NEBL: variants seen among roughly 807,000 people sequenced by gnomAD.
NEBL encodes the protein LIM and SH3 protein 2.
NEBL carries 122 observed loss-of-function variants against 140.2 expected under a neutral mutation model. The ratio of observed to expected loss-of-function variants is 0.87; its 90% CI spans 0.75 to 1.01. The LOEUF is 1.01. NEBL is among the 50% of genes least tolerant of loss of function. The probability of loss-of-function intolerance (pLI) is 0.00; values close to 1 mark genes in which losing one functional copy is unlikely to be tolerated. For synonymous variants in NEBL, 436 were observed against 398.9 expected (o/e 1.09, Z -1.11); for missense variants, 1,365 against 1,231.3 (o/e 1.11, Z -1.62).
intron 14 of NEBL, among the ~76,000 whole-genome samples, chr10:20,834,236 G>A (rs1329307828): frequency 6.6e-6 from 1 of 151,912 alleles, no homozygotes. Context: ...TTTTTAAGTC[G>A]CTGTGTGTAC....
intron 14 of NEBL, among the ~76,000 whole-genome samples, chr10:20,835,104 T>G (rs1840745921): frequency 6.6e-6 from 1 of 152,200 alleles, no homozygotes; most frequent in African/African-American, 2.4e-5. Context: ...TGACTATTGT[T>G]CTCATGTAAA....
chr10:21,277,202 TTC>T (rs921614563), intron 1 of NEBL, among the ~76,000 whole-genome samples: 1 of 146,310 alleles, frequency 6.8e-6, no homozygotes, highest in Non-Finnish European at 1.5e-5. Flanking sequence ...CACCAAATAT[TTC>T]TTTCTTTTTT....
chr10:20,815,620 C>G lies in NEBL; in HGVS notation c.2241+5G>C. 1 of 1,594,540 alleles carries G rather than the reference C, an allele frequency of 6.3e-7. No individual in the cohort carries two copies. Among genetic ancestry groups the G allele is most frequent in the Non-Finnish European group, 8.6e-7 (1 of 1,162,406 alleles). On this transcript the variant is annotated splice_donor_5th_base_variant and intron_variant, in intron 22 of 27. Transcript: ENST00000377122. ...TGATAGTCTAAAATGAAGAAAACCA[C>G]TTGCCGAGCTAATATTTTCTTGATT...
intron 4 of NEBL, among the ~76,000 whole-genome samples, chr10:20,883,520 T>A (rs1846208093): frequency 6.6e-6 from 1 of 152,220 alleles, no homozygotes; most frequent in Non-Finnish European, 1.5e-5. Flanking sequence ...CATTCCGTGT[T>A]TTAACTCAGA....
chr10:21,260,106 A>T (rs1338163709), intron 1 of NEBL, among the ~76,000 whole-genome samples: 1 of 152,216 alleles, frequency 6.6e-6, no homozygotes, highest in Non-Finnish European at 1.5e-5. Flanking sequence ...ACGTTTCCAG[A>T]TTGCTTGAAA....
chr10:21,286,856 A>T (rs1217369610), intron 1 of NEBL, among the ~76,000 whole-genome samples: 2 of 151,992 alleles, frequency 1.3e-5, no homozygotes, highest in Non-Finnish European at 2.9e-5. Flanking sequence ...AAAAAAAAGC[A>T]GACTACAGCT....
Position 21,280,444 on chromosome 10 carries a change from A to G in NEBL, n.182+12386T>C, listed in dbSNP as rs377521280. On this transcript the variant is annotated intron_variant and non_coding_transcript_variant, in intron 1 of 8. Coordinates refer to the NEBL transcript ENST00000675702. ...ATGAATGGGGAGAAAGATTCTAGGC[A>G]TGCCAGCCCAGAGAGATACAAAAGG... is the stretch of plus-strand genomic sequence containing the variant. 2.6e-5 allele frequency among the ~76,000 whole-genome samples: 4 copies of G among 152,138 alleles called. No individual in the cohort carries two copies. In the East Asian group the frequency reaches 5.8e-4, roughly 22 times the overall value.
At chr10:21,023,510 A>G (rs1838884336) in intron 2 of NEBL, among the ~76,000 whole-genome samples, 1 of 152,128 alleles carries the variant, frequency 6.6e-6, no homozygotes, top group South Asian at 2.1e-4. Context: ...CCTGGCCAAC[A>G]TGGTGAAACC....
intron 1 of NEBL, among the ~76,000 whole-genome samples, chr10:21,276,877 G>A (rs1357758895): frequency 6.6e-6 from 1 of 152,136 alleles, no homozygotes; most frequent in African/African-American, 2.4e-5. Context: ...GCTGAGGCAT[G>A]AGAATCACGT....
chr10:21,221,639 G>A (rs1026769435), intron 3 of NEBL, among the ~76,000 whole-genome samples: 1 of 151,924 alleles, frequency 6.6e-6, no homozygotes, highest in Non-Finnish European at 1.5e-5. Flanking sequence ...TGAGTAGCTG[G>A]GACTACAAGC....
chr10:21,030,584 G>C (rs1050492859), intron 2 of NEBL: 1 of 650,220 alleles, frequency 1.5e-6, no homozygotes, highest in Non-Finnish European at 2.8e-6. Context: ...TACCCTACAA[G>C]TGGTGGGGGA....
intron 2 of NEBL, among the ~76,000 whole-genome samples, chr10:21,108,836 T>C (rs1236557352): frequency 2.0e-5 from 3 of 152,166 alleles, no homozygotes; most frequent in African/African-American, 4.8e-5. Context: ...CGAATCTGGG[T>C]GCTCCTGTAT....
intron 1 of NEBL, among the ~76,000 whole-genome samples, chr10:21,255,677 A>C (rs1203742219): frequency 6.6e-6 from 1 of 152,140 alleles, no homozygotes; most frequent in Admixed American, 6.5e-5. Flanking sequence ...AATCTTCAGC[A>C]TCAGAGAATA....
chr10:21,265,120 A>G (rs369312230), intron 1 of NEBL, among the ~76,000 whole-genome samples: 16 of 151,948 alleles, frequency 1.1e-4, no homozygotes, highest in African/African-American at 3.9e-4. Flanking sequence ...ATGGGGTTTT[A>G]CCATGTTGGC....
intron 4 of NEBL, among the ~76,000 whole-genome samples, chr10:20,930,623 C>T (rs1174491482): frequency 6.6e-6 from 1 of 152,200 alleles, no homozygotes; most frequent in African/African-American, 2.4e-5. Context: ...AGCTTTCTCT[C>T]CACTGATGAC....
chr10:20,846,335 G>A (rs1373491500), intron 11 of NEBL, among the ~76,000 whole-genome samples: 1 of 152,162 alleles, frequency 6.6e-6, no homozygotes, highest in Non-Finnish European at 1.5e-5. Flanking sequence ...GGCAAAAAGA[G>A]AAGCTGTTTC....
chr10:21,095,207 C>T lies in NEBL; in HGVS notation c.165-75006G>A, dbSNP rs111476721. Among the ~76,000 whole-genome samples, 17 of 152,330 alleles carry T rather than the reference C, an allele frequency of 1.1e-4. 1 individual carries two copies. The highest frequency in any genetic ancestry group is 4.1e-4 in the African/African-American group (17 of 41,570). ...TAAGTCCACTAAGATTTCAGAACCC[C>T]TGCCCTGAAAGCTGACCCTCACAAA... On this transcript the variant is annotated intron_variant, in intron 2 of 6. Coordinates refer to the NEBL transcript ENST00000417816.
intron 4 of NEBL, among the ~76,000 whole-genome samples, chr10:20,947,376 G>A (rs1835220284): frequency 6.6e-6 from 1 of 151,998 alleles, no homozygotes; most frequent in Non-Finnish European, 1.5e-5. Flanking sequence ...CAAAACATAG[G>A]CTATTGTATG....
intron 11 of NEBL, chr10:20,845,571 C>T (rs1319354887): frequency 3.9e-6 from 2 of 516,848 alleles, no homozygotes; most frequent in Non-Finnish European, 6.9e-6. Flanking sequence ...ATTAAGTGGA[C>T]TCTTCCTCTG....
Sources: gnomAD v4.1 joint callset for allele counts (sites outside exome capture counted in the v4.1 genomes callset) on GRCh38, gnomAD v4.1.1 for gene constraint, MANE v1.5 for transcripts, NCBI Gene and HGNC (gene_info 2026-07-23, HGNC 2026-07-21) for gene names.